The following PPP4R2 variants were observed in gnomAD, a reference collection of about 807,000 sequenced individuals.
PPP4R2 encodes the protein serine/threonine-protein phosphatase 4 regulatory subunit 2.
In PPP4R2, 13 loss-of-function variants were observed where a neutral mutation model predicts 47.2. The ratio of observed to expected loss-of-function variants is 0.28; its 90% CI spans 0.18 to 0.44. PPP4R2 has a LOEUF of 0.44. Among genes scored for constraint, PPP4R2 ranks in the 20% least tolerant of loss-of-function variants. The pLI, the probability that PPP4R2 is intolerant of heterozygous loss-of-function variation, is 1.00. For missense variants in PPP4R2, 421 were observed against 491.2 expected, an observed-to-expected ratio of 0.86 and a Z score of 1.35; for synonymous variants, 151 against 163.3, an observed-to-expected ratio of 0.92 and a Z score of 0.57.
At chr3:73,020,352 C>T (rs758449339) in intron 2 of PPP4R2, among the ~76,000 whole-genome samples, 3 of 152,116 alleles carry the variant, frequency 2.0e-5, no homozygotes, top group African/African-American at 4.8e-5. Context: ...CCACGCCTGG[C>T]TTATATTTTA....
intron 5 of PPP4R2, chr3:73,063,131 C>T (rs745579237): frequency 3.1e-5 from 16 of 510,750 alleles, no homozygotes; most frequent in Non-Finnish European, 5.0e-5. Context: ...TTAGCAACAG[C>T]GGCAAACTAC....
At chr3:73,018,529 T>C (rs1401854870) in intron 2 of PPP4R2, among the ~76,000 whole-genome samples, 1 of 126,606 alleles carries the variant, frequency 7.9e-6, no homozygotes, top group Non-Finnish European at 1.8e-5. Context: ...CCATGGCTCA[T>C]GGCAGCCTCA....
intron 2 of PPP4R2, among the ~76,000 whole-genome samples, chr3:73,025,521 T>C (rs910697281): frequency 7.2e-5 from 11 of 152,200 alleles, no homozygotes; most frequent in African/African-American, 2.4e-4. Flanking sequence ...TGGGGAAGAA[T>C]ATAATAGTTG....
intron 2 of PPP4R2, among the ~76,000 whole-genome samples, chr3:73,022,680 TTA>T (rs1455255172): frequency 1.3e-5 from 2 of 152,172 alleles, no homozygotes; most frequent in Non-Finnish European, 2.9e-5. Context: ...AATATCATCA[TTA>T]TGTTTTTCTC....
intron 2 of PPP4R2, among the ~76,000 whole-genome samples, chr3:73,013,685 C>G (rs1701769518): frequency 6.6e-6 from 1 of 151,448 alleles, no homozygotes; most frequent in South Asian, 2.1e-4. Flanking sequence ...GTTGCCTAGG[C>G]AGGAGTGCAG....
chr3:73,023,662 C>G (rs1037287110), intron 2 of PPP4R2, among the ~76,000 whole-genome samples: 1 of 152,170 alleles, frequency 6.6e-6, no homozygotes, highest in African/African-American at 2.4e-5. Context: ...GAAGACATGA[C>G]AGTCCCTCCA....
intron 2 of PPP4R2, among the ~76,000 whole-genome samples, chr3:73,022,360 C>G (rs370129035): frequency 3.0e-4 from 45 of 151,982 alleles, no homozygotes; most frequent in Non-Finnish European, 4.7e-4. Flanking sequence ...GGTTAGGGGC[C>G]TAAGACTGAT....
At chr3:73,051,318 GGTT>G (rs1702607572) in intron 3 of PPP4R2, among the ~76,000 whole-genome samples, 1 of 152,166 alleles carries the variant, frequency 6.6e-6, no homozygotes. Context: ...AGCAAAATGT[GGTT>G]GTTGATGCTT....
In PPP4R2 at chr3:73,014,155, A is replaced by G. The variant is rs186417475; in HGVS notation, c.116+15997A>G. The stretch of plus-strand genomic sequence containing the variant: ...TTATGGGTTCATGATTATGTACGTT[A>G]CTATGTTTGACAGATACTGCCAGCT... On this transcript the variant is annotated intron_variant, in intron 2 of 8. Coordinates refer to ENST00000356692, the MANE Select transcript of PPP4R2 (RefSeq NM_174907.4). Among the ~76,000 whole-genome samples the G allele has an allele frequency of 2.0e-4, 26 of 130,688 alleles. 6 individuals are homozygous for G. Among genetic ancestry groups the G allele is most frequent in the Admixed American group, 1.9e-3 (25 of 13,360 alleles). 85.7% of individuals were successfully genotyped at this position (130,688 alleles called of 152,430 possible).
chr3:73,020,537 G>T (rs950767014), intron 2 of PPP4R2, among the ~76,000 whole-genome samples: 1 of 151,816 alleles, frequency 6.6e-6, no homozygotes, highest in African/African-American at 2.4e-5. Flanking sequence ...GGGTGTGGTG[G>T]TGTGTGCCTG....
chr3:73,033,022 C>T (rs780132796), intron 2 of PPP4R2, among the ~76,000 whole-genome samples: 2 of 152,156 alleles, frequency 1.3e-5, no homozygotes, highest in Non-Finnish European at 2.9e-5. Context: ...ATTCTACCAT[C>T]TTACGGTGGG....
intron 2 of PPP4R2, among the ~76,000 whole-genome samples, chr3:73,026,564 G>GA (rs1371962607): frequency 1.3e-5 from 2 of 152,148 alleles, no homozygotes; most frequent in Non-Finnish European, 2.9e-5. Flanking sequence ...ATAGCTTAGG[G>GA]ATGCATATTT....
At chr3:73,033,247 G>T (rs1702203255) in intron 2 of PPP4R2, among the ~76,000 whole-genome samples, 1 of 152,064 alleles carries the variant, frequency 6.6e-6, no homozygotes, top group South Asian at 2.1e-4. Flanking sequence ...GAAAATTATT[G>T]TCTCTCTGAA....
chr3:73,049,122 T>C (rs578135023), intron 3 of PPP4R2, among the ~76,000 whole-genome samples: 1 of 152,304 alleles, frequency 6.6e-6, no homozygotes, highest in East Asian at 1.9e-4. Flanking sequence ...AAGGCACTTA[T>C]CCAAGAAATA....
At position 73,068,868 on chromosome 3, in the gene PPP4R2, T is replaced by A. The variant is rs532582902; in HGVS notation, c.*3146T>A. 19 of 152,304 alleles carry A rather than the reference T, an allele frequency of 1.2e-4. No homozygotes were observed. The South Asian group carries it at 3.9e-3, about 32-fold the overall frequency. The allele number at this position is 152,304 out of a possible 1,614,324, so 9.4% of individuals were successfully genotyped here. ...AATGCAACTTACAAAACCAAAGGAA[T>A]TAAAAATTTTCGGTAGTGTTTCAAA... On this transcript the variant is annotated 3_prime_UTR_variant, in exon 9 of 9. Transcript: ENST00000356692.
At chr3:73,022,188 C>T (rs747457232) in intron 2 of PPP4R2, among the ~76,000 whole-genome samples, 4 of 151,964 alleles carry the variant, frequency 2.6e-5, no homozygotes, top group African/African-American at 7.3e-5. Context: ...CGAACCACTG[C>T]GCCCAGCCTG....
chr3:73,031,113 C>T (rs1479860038), intron 2 of PPP4R2, among the ~76,000 whole-genome samples: 2 of 151,994 alleles, frequency 1.3e-5, no homozygotes, highest in African/African-American at 2.4e-5. Flanking sequence ...CTGGTGGAGT[C>T]AAAATTTTTG....
chr3:73,041,851 T>C (rs2107299295), intron 2 of PPP4R2, among the ~76,000 whole-genome samples: 1 of 152,368 alleles, frequency 6.6e-6, no homozygotes, highest in East Asian at 1.9e-4. Flanking sequence ...CTTAAGCCTC[T>C]GGAAAATACC....
At chr3:73,001,546 T>C (rs1701458456) in intron 2 of PPP4R2, among the ~76,000 whole-genome samples, 1 of 152,196 alleles carries the variant, frequency 6.6e-6, no homozygotes, top group Non-Finnish European at 1.5e-5. Context: ...AGCACTCCAG[T>C]CTGGGCAACA....
Sources: allele counts gnomAD v4.1 joint callset (sites outside exome capture counted in the v4.1 genomes callset), GRCh38; gene constraint gnomAD v4.1.1; transcripts MANE v1.5; gene names NCBI Gene and HGNC (gene_info 2026-07-23, HGNC 2026-07-21).